ATP2C1: variants seen among roughly 807,000 people sequenced by gnomAD.
ATP2C1 encodes the protein ATPase secretory pathway Ca2+ transporting 1, also known as calcium-transporting ATPase type 2C member 1.
ATP2C1 carries 31 observed loss-of-function variants against 120.5 expected under a neutral mutation model. The observed-to-expected ratio is 0.26, with a 90% CI of 0.19 to 0.35. The LOEUF (loss-of-function observed/expected upper bound fraction) is 0.35. ATP2C1 is among the 10% of genes least tolerant of loss of function. The pLI, the probability that ATP2C1 is intolerant of heterozygous loss-of-function variation, is 1.00. For synonymous variants in ATP2C1, 351 were observed against 358.7 expected, an observed-to-expected ratio of 0.98 and a Z score of 0.24; for missense variants, 731 against 1,107.5, an observed-to-expected ratio of 0.66 and a Z score of 4.83.
intron 8 of ATP2C1, among the ~76,000 whole-genome samples, chr3:130,942,487 C>G (rs1188162793): frequency 6.6e-6 from 1 of 152,198 alleles, no homozygotes. Flanking sequence ...TGGAATTAAG[C>G]TGTTTGTTAA....
intron 19 of ATP2C1, 77 bp downstream of exon 19, chr3:130,979,496 G>C: frequency 7.2e-7 from 1 of 1,389,794 alleles, no homozygotes; most frequent in South Asian, 1.2e-5. Flanking sequence ...TGAACTATTA[G>C]TTATGAATAT....
chr3:130,862,279 G>A (rs1197985245), intron 1 of ATP2C1, among the ~76,000 whole-genome samples: 9 of 150,288 alleles, frequency 6.0e-5, no homozygotes, highest in Admixed American at 4.6e-4. Flanking sequence ...CACTGTGCCC[G>A]GCCTTTATTT....
At position 130,932,047 on chromosome 3, in the gene ATP2C1, A is replaced by C. The variant is rs1423265382; in HGVS notation, c.143A>C (p.Lys48Thr). ...GCTGATCTTCAGAATGGTCTAAACA[A>C]ATGTGAAGTTAGTCATAGGCGAGCC... is the stretch of plus-strand genomic sequence containing the variant. The part of the protein sequence containing the change: ...LQADLQNGLN[K>T]CEVSHRRAFH... The change falls in exon 4 of 28, where the codon AAA (lysine) becomes ACA (threonine). Residue 48 changes from lysine (K) to threonine (T), a missense_variant. Around this residue, in one of 3 missense-constraint regions of ATP2C1, gnomAD observed 571 missense variants for 845.9 expected, o/e 0.67. Transcript: ENST00000510168. 2.5e-6 allele frequency: 4 copies of C among 1,612,158 alleles called. No homozygotes were observed. The highest frequency in any genetic ancestry group is 3.4e-6 in the Non-Finnish European group (4 of 1,178,330).
At position 130,964,992 on chromosome 3, in the gene ATP2C1, A is replaced by G. The variant is rs777774257; in HGVS notation, c.1069A>G (p.Lys357Glu). ...ICSDKTGTLT[K>E]NEMTVTHIFT... ...TTCAGATAAAACTGGAACACTGACG[A>G]AGAATGAAATGACTGTTACTCACAT... Residue 357 changes from lysine (K) to glutamate (E), a missense_variant, in exon 14 of 28, where the codon AAG becomes GAG. Lys to Glu is a moderately conservative substitution (Grantham distance 56, BLOSUM62 1). Around this residue, in one of 3 missense-constraint regions of ATP2C1, gnomAD observed 571 missense variants for 845.9 expected, o/e 0.67. Transcript: ENST00000510168. 1 of 1,612,128 alleles carries G rather than the reference A, an allele frequency of 6.2e-7. No homozygotes were observed. The highest frequency in any genetic ancestry group is 1.7e-5 in the Admixed American group (1 of 59,922).
intron 1 of ATP2C1, among the ~76,000 whole-genome samples, chr3:130,876,725 C>T (rs2068616478): frequency 6.6e-6 from 1 of 152,036 alleles, no homozygotes; most frequent in Admixed American, 6.6e-5. Context: ...TTTAACAATA[C>T]TAATTCTTTC....
At chr3:131,009,481 TC>T (rs1156984080) in intron 26 of ATP2C1, among the ~76,000 whole-genome samples, 1 of 152,216 alleles carries the variant, frequency 6.6e-6, no homozygotes, top group Non-Finnish European at 1.5e-5. Context: ...TTGATTTCTG[TC>T]CCTAAAAACA....
At chr3:130,964,538 A>G (rs1342680296) in intron 13 of ATP2C1, among the ~76,000 whole-genome samples, 1 of 152,106 alleles carries the variant, frequency 6.6e-6, no homozygotes, top group Non-Finnish European at 1.5e-5. Flanking sequence ...AATGTACTGA[A>G]TTTAATTTCT....
intron 7 of ATP2C1, 41 bp from the exon 8 acceptor site, chr3:130,941,550 T>A (rs1175862683): frequency 6.7e-7 from 1 of 1,481,488 alleles, no homozygotes; most frequent in Admixed American, 1.7e-5. Flanking sequence ...TTGCATGAAT[T>A]TTTTTTTTTT....
chr3:130,935,609 A>G (rs1046342891), intron 5 of ATP2C1, among the ~76,000 whole-genome samples: 1 of 152,196 alleles, frequency 6.6e-6, no homozygotes, highest in African/African-American at 2.4e-5. Context: ...TGAGGTCACA[A>G]CCATTTTAAT....
intron 2 of ATP2C1, among the ~76,000 whole-genome samples, chr3:130,906,740 T>C (rs2058144612): frequency 6.6e-6 from 1 of 151,754 alleles, no homozygotes; most frequent in Non-Finnish European, 1.5e-5. Context: ...TAGTTTTGAT[T>C]TGCGTTTCCC....
chr3:130,877,586 G>T (rs1429382885), intron 1 of ATP2C1, among the ~76,000 whole-genome samples: 1 of 151,712 alleles, frequency 6.6e-6, no homozygotes, highest in African/African-American at 2.4e-5. Context: ...AAACCACAAT[G>T]AGATACCATC....
intron 6 of ATP2C1, among the ~76,000 whole-genome samples, chr3:130,938,632 C>T (rs3773802): frequency 0.022 from 3,375 of 152,292 alleles, 48 homozygotes; most frequent in East Asian, 0.075. Flanking sequence ...CTTGCTTAGA[C>T]AAATGTTGCC....
intron 27 of ATP2C1, among the ~76,000 whole-genome samples, chr3:130,999,937 A>G (rs1180923290): frequency 6.6e-6 from 1 of 152,182 alleles, no homozygotes; most frequent in Non-Finnish European, 1.5e-5. Flanking sequence ...AGTATAGTTT[A>G]TAACTTTTTA....
intron 23 of ATP2C1, 91 bp downstream of exon 23, chr3:130,996,202 CT>C: frequency 2.1e-6 from 2 of 957,934 alleles, no homozygotes. Flanking sequence ...ACTTCTCTGC[CT>C]TATATTTGTG....
chr3:130,915,090 GT>G (rs140900627), intron 2 of ATP2C1, among the ~76,000 whole-genome samples: 5,544 of 145,002 alleles, frequency 0.038, 103 homozygotes, highest in Admixed American at 0.052. Context: ...TTCATTCTGG[GT>G]TTTTTTTTTT....
At chr3:130,986,472 A>G (rs985168384) in intron 20 of ATP2C1, among the ~76,000 whole-genome samples, 1 of 152,238 alleles carries the variant, frequency 6.6e-6, no homozygotes, top group African/African-American at 2.4e-5. Flanking sequence ...GTTAGGGAAG[A>G]AAGAAACTAA....
chr3:130,911,492 C>G (rs2058410415), intron 2 of ATP2C1, among the ~76,000 whole-genome samples: 1 of 150,632 alleles, frequency 6.6e-6, no homozygotes, highest in African/African-American at 2.4e-5. Flanking sequence ...CTTCTGCTAG[C>G]TTTTGAATGT....
At chr3:130,936,765 TGAG>T (rs927891559) in intron 5 of ATP2C1, among the ~76,000 whole-genome samples, 4 of 137,000 alleles carry the variant, frequency 2.9e-5, no homozygotes, top group African/African-American at 1.1e-4. Flanking sequence ...TGCAGTGAGC[TGAG>T]ATCACGCCCC....
At position 131,002,320 on chromosome 3, in the gene ATP2C1, A is replaced by T. The variant is rs1164880773; in HGVS notation, c.*970A>T. 14 of 984,160 alleles carry T rather than the reference A, an allele frequency of 1.4e-5. No individual in the cohort carries two copies. Among genetic ancestry groups the T allele is most frequent in the Non-Finnish European group, 1.7e-5 (14 of 828,866 alleles). 61.0% of individuals were successfully genotyped at this position (984,160 alleles called of 1,614,324 possible). On this transcript the variant is annotated 3_prime_UTR_variant, in exon 28 of 28. Transcript: ENST00000510168. ...TTTAATCATATTTCTTAGGAAGTAT[A>T]GGCTACTGGACTTAGAATAAAAAGT...
Sources: allele counts gnomAD v4.1 joint callset (sites outside exome capture counted in the v4.1 genomes callset), GRCh38; gene constraint gnomAD v4.1.1; regional missense constraint gnomAD v4.1.1; transcripts MANE v1.5; gene names NCBI Gene and HGNC (gene_info 2026-07-23, HGNC 2026-07-21).